Variants in DCP2 observed in about 807,000 individuals in gnomAD.
DCP2 encodes the protein decapping mRNA 2.
A neutral mutation model predicts 56.1 loss-of-function variants in DCP2; 30 were observed. That is an observed-to-expected ratio of 0.53 (90% CI 0.40 to 0.73). DCP2 has a LOEUF of 0.73. DCP2 is among the 30% of genes least tolerant of loss of function. DCP2 has a pLI of 0.00. For missense variants in DCP2, 533 were observed against 502.7 expected, an observed-to-expected ratio of 1.06 and a Z score of -0.58; for synonymous variants, 197 against 163.3, an observed-to-expected ratio of 1.21 and a Z score of -1.57.
chr5:113,012,280 C>T (rs888876500), intron 10 of DCP2, among the ~76,000 whole-genome samples: 8 of 152,224 alleles, frequency 5.3e-5, no homozygotes, highest in South Asian at 4.1e-4. Flanking sequence ...AGGTCACTTG[C>T]GCCCAGGAGG....
chr5:113,013,396 A>G lies in DCP2; in HGVS notation c.1175A>G (p.Asn392Ser), dbSNP rs961468052. The change falls in exon 11 of 11, where the codon AAT (asparagine) becomes AGT (serine). Residue 392 changes from asparagine to serine, a missense_variant. Physicochemically the swap from Asn to Ser is conservative, Grantham distance 46 (BLOSUM62 1). Coordinates refer to ENST00000389063, the MANE Select transcript of DCP2 (RefSeq NM_152624.6). ...EHAEGQPVAC[N>S]GHCKFPFSSR... ...GCTGAGGGACAGCCCGTGGCATGTA[A>G]TGGACATTGCAAGTTCCCCTTTTCA... The G allele has an allele frequency of 1.2e-6, 2 of 1,614,072 alleles. No individual in the cohort carries two copies. Among genetic ancestry groups the G allele is most frequent in the South Asian group, 1.1e-5 (1 of 91,094 alleles).
rs1442017847 is a variant in DCP2 at position 113,016,666 on chromosome 5, AAAGTT to A, written c.*3186_*3190del. The A allele has an allele frequency of 1.3e-5, 2 of 152,306 alleles. No homozygotes were observed. Among genetic ancestry groups the A allele is most frequent in the Non-Finnish European group, 2.9e-5 (2 of 68,036 alleles). 9.4% of individuals were successfully genotyped at this position (152,306 alleles called of 1,614,324 possible). A position where few individuals can be genotyped will look rare whatever the true frequency, so the allele number is the denominator to read the frequency against. On this transcript the variant is annotated 3_prime_UTR_variant, in exon 11 of 11. Transcript: ENST00000389063. ...AAGTCACCATATTGTATCCTATAGA[AAAGTT>A]AAGGTCTGAGTGCATGTGTGCATTA...
At position 113,016,729 on chromosome 5, in the gene DCP2, T is replaced by A. The variant is rs922592895; in HGVS notation, c.*3245T>A. 3 of 152,172 alleles carry A rather than the reference T, an allele frequency of 2.0e-5. No homozygotes were observed. Among genetic ancestry groups the A allele is most frequent in the Non-Finnish European group, 4.4e-5 (3 of 68,022 alleles). The allele number at this position is 152,172 out of a possible 1,614,324, so 9.4% of individuals were successfully genotyped here. ...TTCACTACCTATTCTCTCATGGACT[T>A]CTCATCCTTTCTTTTTTCATCTCCA... On this transcript the variant is annotated 3_prime_UTR_variant, in exon 11 of 11. Transcript: ENST00000389063.
intron 2 of DCP2, among the ~76,000 whole-genome samples, chr5:112,989,117 C>T (rs1371244054): frequency 6.6e-6 from 1 of 152,064 alleles, no homozygotes; most frequent in African/African-American, 2.4e-5. Context: ...TGAGAAAAGA[C>T]AGGAAAGGAA....
chr5:112,986,006 A>G lies in DCP2; in HGVS notation c.205+20A>G, dbSNP rs753421028. The G allele has an allele frequency of 2.0e-6, 3 of 1,502,988 alleles. No homozygotes were observed. Among genetic ancestry groups the G allele is most frequent in the Non-Finnish European group, 2.7e-6 (3 of 1,105,524 alleles). 93.1% of individuals were successfully genotyped at this position (1,502,988 alleles called of 1,614,324 possible). On this transcript the variant is annotated intron_variant, in intron 2 of 10. Coordinates refer to ENST00000389063, the MANE Select transcript of DCP2 (RefSeq NM_152624.6). ...AAGCTGATATCCTTTTTATTACTAT[A>G]ATGACTGACTTTCTTGTTAGCAATA...
In DCP2 at chr5:113,013,339, C is replaced by G; in HGVS notation, c.1118C>G (p.Pro373Arg). 6.2e-7 allele frequency: 1 copy of G among 1,613,942 alleles called. No homozygotes were observed. Among genetic ancestry groups the G allele is most frequent in the Non-Finnish European group, 8.5e-7 (1 of 1,179,890 alleles). Residue 373 changes from proline (P) to arginine (R), a missense_variant, in exon 11 of 11, where the codon CCT (proline) becomes CGT (arginine). Around this residue, in one of 3 missense-constraint regions of DCP2, gnomAD observed 392 missense variants for 346.6 expected, o/e 1.13. Transcript: ENST00000389063. ...NFETDAVYDL[P>R]SSSEDQLLEH... ...TAAACAGATGCTGTATATGACTTGC[C>G]TAGCTCCAGTGAAGACCAGTTGCTA...
In DCP2 at chr5:113,009,665, A is replaced by G. The variant is rs1397330270; in HGVS notation, c.1048-1091A>G. ...ACAAATATTGAAGAAGATATTAAAT[A>G]CAGTATCGTAGATCTGTGCAGTGGG... On this transcript the variant is annotated intron_variant, in intron 9 of 10. Transcript: ENST00000389063. Among the ~76,000 whole-genome samples the G allele has an allele frequency of 2.6e-5, 4 of 152,224 alleles. No individual in the cohort carries two copies. In the East Asian group the frequency reaches 7.7e-4, roughly 29 times the overall value.
intron 4 of DCP2, among the ~76,000 whole-genome samples, chr5:112,993,623 TCAAAAAAAAAAAAAAAC>T (rs1385586003): frequency 2.9e-5 from 3 of 102,336 alleles, no homozygotes; most frequent in African/African-American, 7.5e-5. Flanking sequence ...AAACACTATC[TCAAAAAAAAAAAAAAAC>T]CAAAAAAAAA....
chr5:112,998,552 G>A (rs1366300928), intron 4 of DCP2, among the ~76,000 whole-genome samples: 1 of 152,140 alleles, frequency 6.6e-6, no homozygotes, highest in African/African-American at 2.4e-5. Flanking sequence ...TCACTGCCTA[G>A]AACAGTGCCT....
intron 2 of DCP2, among the ~76,000 whole-genome samples, chr5:112,988,578 C>T (rs998928126): frequency 1.3e-4 from 19 of 150,946 alleles, no homozygotes; most frequent in Admixed American, 1.3e-4. Context: ...GCAATAAATC[C>T]CTGAGCCATA....
chr5:113,006,546 GTTA>G (rs1370820914), intron 8 of DCP2, among the ~76,000 whole-genome samples: 1 of 152,068 alleles, frequency 6.6e-6, no homozygotes, highest in Non-Finnish European at 1.5e-5. Flanking sequence ...ACTTACTTAG[GTTA>G]TTGTTTTCCA....
chr5:112,999,678 GTGCACTGGGA>G (rs1013909401), intron 4 of DCP2, among the ~76,000 whole-genome samples: 81 of 150,382 alleles, frequency 5.4e-4, no homozygotes, highest in African/African-American at 1.8e-3. Flanking sequence ...CTAGACTGGA[GTGCACTGGGA>G]TGGTGATCAC....
rs1172218213 is a variant in DCP2, at chr5:113,013,405, G to C, written c.1184G>C (p.Cys395Ser). The C allele has an allele frequency of 5.0e-6, 8 of 1,614,148 alleles. No individual in the cohort carries two copies. Among genetic ancestry groups the C allele is most frequent in the Non-Finnish European group, 6.8e-6 (8 of 1,179,990 alleles). ...EGQPVACNGH[C>S]KFPFSSRAFL... ...CAGCCCGTGGCATGTAATGGACATT[G>C]CAAGTTCCCCTTTTCATCCAGAGCC... The change falls in exon 11 of 11, where the codon TGC becomes TCC. Residue 395 changes from cysteine to serine, a missense_variant. By Grantham distance (112) the Cys-to-Ser change is moderately radical (BLOSUM62 -1). This residue lies in a region of DCP2 where 392 missense variants were observed against 346.6 expected (regional missense o/e 1.13). Coordinates refer to ENST00000389063, the MANE Select transcript of DCP2 (RefSeq NM_152624.6).
At chr5:112,985,378 G>T (rs550794436) in intron 1 of DCP2, among the ~76,000 whole-genome samples, 2 of 152,214 alleles carry the variant, frequency 1.3e-5, no homozygotes, top group East Asian at 3.9e-4. Context: ...AGGCTTTTTG[G>T]GAAGTCCTAG....
In DCP2 at chr5:112,976,912, G is replaced by C. The variant is rs766386291; in HGVS notation, c.-22G>C. 6 of 1,613,770 alleles carry C rather than the reference G, an allele frequency of 3.7e-6. No individual in the cohort carries two copies. The highest frequency in any genetic ancestry group is 5.1e-6 in the Non-Finnish European group (6 of 1,179,660). On this transcript the variant is annotated 5_prime_UTR_variant, in exon 1 of 11. Transcript: ENST00000389063. ...CGGCCGCGCGGAGCCGGGATGCACTGTTCCTGCTGTGGGTCCTCATCATGG... is the reference window on the plus strand; with the variant it reads ...CGGCCGCGCGGAGCCGGGATGCACTCTTCCTGCTGTGGGTCCTCATCATGG...
intron 8 of DCP2, among the ~76,000 whole-genome samples, chr5:113,007,477 T>A (rs529001212): frequency 1.5e-4 from 23 of 151,726 alleles, no homozygotes; most frequent in Non-Finnish European, 3.4e-4. Context: ...CTTGGCTGAC[T>A]GCAACCTCCA....
intron 1 of DCP2, among the ~76,000 whole-genome samples, chr5:112,982,509 T>C (rs1209745736): frequency 6.6e-6 from 1 of 152,266 alleles, no homozygotes; most frequent in Non-Finnish European, 1.5e-5. Flanking sequence ...GGAAGTAAAC[T>C]GAGTCCTTTA....
intron 4 of DCP2, among the ~76,000 whole-genome samples, chr5:112,997,981 C>A (rs1748945450): frequency 6.6e-6 from 1 of 152,150 alleles, no homozygotes; most frequent in South Asian, 2.1e-4. Context: ...GAAGTTGATA[C>A]TCCTTCTGCT....
At chr5:113,006,349 A>G (rs1469126927) in intron 8 of DCP2, among the ~76,000 whole-genome samples, 1 of 152,152 alleles carries the variant, frequency 6.6e-6, no homozygotes, top group African/African-American at 2.4e-5. Context: ...TTGGGATGAT[A>G]AAAGTTGGGG....
Sources: gnomAD v4.1 joint callset for allele counts (sites outside exome capture counted in the v4.1 genomes callset) on GRCh38, gnomAD v4.1.1 for gene constraint, gnomAD v4.1.1 regional missense constraint, MANE v1.5 for transcripts, NCBI Gene and HGNC (gene_info 2026-07-23, HGNC 2026-07-21) for gene names.